PTPRB: variants seen among roughly 807,000 people sequenced by gnomAD.
PTPRB encodes protein tyrosine phosphatase receptor type B.
A neutral mutation model predicts 238.1 loss-of-function variants in PTPRB; 97 were observed. The ratio of observed to expected loss-of-function variants is 0.41; its 90% CI spans 0.35 to 0.48. PTPRB has a LOEUF of 0.48. Ranked by LOEUF, PTPRB falls within the 20% of genes least tolerant of loss-of-function variation. PTPRB has a pLI of 0.30. For missense variants in PTPRB, 2,292 were observed against 2,681.9 expected (o/e 0.85, Z 3.21); for synonymous variants, 970 against 995.4 (o/e 0.97, Z 0.48).
Position 70,624,479 on chromosome 12 carries a change from T to A in PTPRB, c.452-1833A>T, listed in dbSNP as rs140653098. Among the ~76,000 whole-genome samples, 13 of 152,280 alleles carry A rather than the reference T, an allele frequency of 8.5e-5. No homozygotes were observed. In the East Asian group the frequency reaches 2.5e-3, roughly 29 times the overall value. ...AGATCAGATTTATTCGTCCTTGGGG[T>A]GTTTTCTACATGACAAACTCAATTA... On this transcript the variant is annotated intron_variant, in intron 2 of 33. Transcript: ENST00000334414.
At chr12:70,555,369 A>G in intron 19 of PTPRB, 60 bp from the exon 20 acceptor site, 1 of 1,477,554 alleles carries the variant, frequency 6.8e-7, no homozygotes, top group Non-Finnish European at 9.3e-7. Flanking sequence ...CACAGCATAA[A>G]CAACAGTTAG....
At chr12:70,599,992 T>A (rs911833803) in intron 4 of PTPRB, among the ~76,000 whole-genome samples, 3 of 146,976 alleles carry the variant, frequency 2.0e-5, no homozygotes, top group Admixed American at 6.8e-5. Flanking sequence ...TTTTTTTTTT[T>A]AATGTTATTT....
chr12:70,609,757 T>C, intron 3 of PTPRB: 2 of 1,577,934 alleles, frequency 1.3e-6, no homozygotes, highest in Non-Finnish European at 1.7e-6. Flanking sequence ...CTCGGGCCAC[T>C]CACCTGCAGC....
At chr12:70,631,632 G>T (rs1384186224) in intron 2 of PTPRB, among the ~76,000 whole-genome samples, 1 of 152,150 alleles carries the variant, frequency 6.6e-6, no homozygotes, top group African/African-American at 2.4e-5. Flanking sequence ...TACCATCAGA[G>T]TGAACAGGCA....
intron 3 of PTPRB, chr12:70,609,744 C>T: frequency 6.4e-7 from 1 of 1,568,362 alleles, no homozygotes. Context: ...GCTCTGACCC[C>T]TTCTCGGGCC....
rs2584029 is a variant in PTPRB at position 70,528,778 on chromosome 12, A to G, written c.6504+3257T>C. Among the ~76,000 whole-genome samples, 1,088 of 152,330 alleles carry G rather than the reference A, an allele frequency of 7.1e-3. 14 individuals are homozygous for G. Among genetic ancestry groups the G allele is most frequent in the African/African-American group, 0.025 (1,024 of 41,568 alleles). On this transcript the variant is annotated intron_variant, in intron 32 of 33. Coordinates refer to ENST00000334414, the MANE Select transcript of PTPRB (RefSeq NM_001109754.4). ...GTTTGAGTCCAGTCTGGGCAACATA[A>G]TGAGACTGCATCCCTTAAAAAATAT...
At chr12:70,538,420 C>T in intron 27 of PTPRB, 189 bp from the exon 28 acceptor site, 3 of 546,258 alleles carry the variant, frequency 5.5e-6, no homozygotes, top group Non-Finnish European at 9.7e-6. Flanking sequence ...TATAACCAGT[C>T]AGACACAGGA....
intron 28 of PTPRB, among the ~76,000 whole-genome samples, chr12:70,537,101 G>A (rs902761976): frequency 1.3e-5 from 2 of 151,942 alleles, no homozygotes; most frequent in Non-Finnish European, 2.9e-5. Flanking sequence ...TGGCTAACAC[G>A]GTGAAACCCC....
intron 8 of PTPRB, among the ~76,000 whole-genome samples, chr12:70,589,009 C>T (rs1882218782): frequency 6.6e-6 from 1 of 152,122 alleles, no homozygotes. Context: ...GAGAATTATG[C>T]TGACATGCTG....
At chr12:70,636,100 G>A (rs1885677769) in intron 1 of PTPRB, 34 bp from the exon 2 acceptor site, 4 of 1,526,686 alleles carry the variant, frequency 2.6e-6, no homozygotes, top group Non-Finnish European at 3.5e-6. Context: ...GCACTATGTA[G>A]CAAATTATGA....
intron 7 of PTPRB, 49 bp downstream of exon 7, chr12:70,592,233 C>T: frequency 6.2e-7 from 1 of 1,612,550 alleles, no homozygotes. Flanking sequence ...TAAGGTGGAT[C>T]AGAGAGTGAT....
intron 14 of PTPRB, among the ~76,000 whole-genome samples, chr12:70,567,453 A>G (rs537840112): frequency 2.2e-4 from 33 of 151,940 alleles, no homozygotes; most frequent in Non-Finnish European, 4.6e-4. Context: ...TTTTGTTTCT[A>G]TCTCTTGGTT....
At chr12:70,626,171 G>T (rs1885164240) in intron 2 of PTPRB, among the ~76,000 whole-genome samples, 1 of 148,012 alleles carries the variant, frequency 6.8e-6, no homozygotes, top group African/African-American at 2.6e-5. Flanking sequence ...TAACTATACT[G>T]GTACTTTCTA....
At position 70,594,474 on chromosome 12, in the gene PTPRB, G is replaced by A. The variant is rs767836009; in HGVS notation, c.1509C>T (p.Val503=). 1 of 1,613,900 alleles carries A rather than the reference G, an allele frequency of 6.2e-7. No homozygotes were observed. Among genetic ancestry groups the A allele is most frequent in the Admixed American group, 1.7e-5 (1 of 60,008 alleles). ...AGLQNYRWKL[V]RTAPMEVSNL... ...TAGCTAGGGGGAACTTACCTGTCCT[G>A]ACTAGTTTCCACCTGTAGTTTTGCA... Residue 503 remains valine, a synonymous_variant, in exon 6 of 34, where the codon GTC becomes GTT. Transcript: ENST00000334414.
At chr12:70,522,567 A>G (rs1871767689) in intron 33 of PTPRB, 2 of 152,210 alleles carry the variant, frequency 1.3e-5, no homozygotes, top group Non-Finnish European at 2.9e-5. Context: ...GCCCAGAGTA[A>G]GACGACGCAG....
chr12:70,548,336 TCTCTCTCTCTCACACACA>T (rs1279932799), intron 21 of PTPRB, among the ~76,000 whole-genome samples: 708 of 34,348 alleles, frequency 0.021, 8 homozygotes, highest in African/African-American at 0.072. Flanking sequence ...TCTCTCTCTC[TCTCTCTCTCTCACACACA>T]CACACACACA....
chr12:70,571,792 C>G (rs539324540), intron 12 of PTPRB, 32 bp downstream of exon 12: 30 of 1,592,046 alleles, frequency 1.9e-5, no homozygotes, highest in Middle Eastern at 1.7e-4. Flanking sequence ...CAAGTCCAAC[C>G]AACTGTCAGA....
chr12:70,569,649 T>C, intron 14 of PTPRB, 26 bp downstream of exon 14: 1 of 1,612,756 alleles, frequency 6.2e-7, no homozygotes, highest in East Asian at 2.2e-5. Context: ...TTCTACAATC[T>C]AGCCCTTCTC....
intron 31 of PTPRB, among the ~76,000 whole-genome samples, chr12:70,533,293 A>AAAG (rs1873576821): frequency 6.6e-6 from 1 of 151,296 alleles, no homozygotes; most frequent in Non-Finnish European, 1.5e-5. Context: ...CTTCCTATTA[A>AAAG]AAGTGTCAAG....
Sources: gnomAD v4.1 joint callset for allele counts (sites outside exome capture counted in the v4.1 genomes callset) on GRCh38, gnomAD v4.1.1 for gene constraint, MANE v1.5 for transcripts, NCBI Gene and HGNC (gene_info 2026-07-23, HGNC 2026-07-21) for gene names.